CNTN5: variants seen among roughly 807,000 people sequenced by gnomAD.
CNTN5 encodes the protein contactin 5, also known as contactin-5.
Under a neutral mutation model 129.1 loss-of-function variants are expected in CNTN5, and 77 were observed. That is an observed-to-expected ratio of 0.60 (90% confidence interval 0.50 to 0.72). The LOEUF (loss-of-function observed/expected upper bound fraction) is 0.72, where lower values mean the gene tolerates loss of function less well. Ranked by LOEUF, CNTN5 falls within the 30% of genes least tolerant of loss-of-function variation. The pLI is 0.00. For synonymous variants in CNTN5, 509 were observed against 465.6 expected, an observed-to-expected ratio of 1.09 and a Z score of -1.20; for missense variants, 1,478 against 1,328.8, an observed-to-expected ratio of 1.11 and a Z score of -1.75.
chr11:99,360,766 G>T (rs539123558), intron 2 of CNTN5, among the ~76,000 whole-genome samples: 1 of 152,244 alleles, frequency 6.6e-6, no homozygotes, highest in South Asian at 2.1e-4. Flanking sequence ...TTATCAAAAG[G>T]TTGCTTGGCC....
chr11:99,082,330 G>T (rs867335234), intron 1 of CNTN5, among the ~76,000 whole-genome samples: 1 of 151,944 alleles, frequency 6.6e-6, no homozygotes, highest in African/African-American at 2.4e-5. Flanking sequence ...GACTACAGGC[G>T]CATGCCACCA....
intron 1 of CNTN5, among the ~76,000 whole-genome samples, chr11:99,145,961 G>A (rs1859764213): frequency 1.3e-5 from 2 of 151,940 alleles, no homozygotes; most frequent in Admixed American, 6.6e-5. Context: ...TTTAGTGGTG[G>A]TAGATTTAGG....
chr11:100,293,999 C>T (rs1397406445), intron 18 of CNTN5, among the ~76,000 whole-genome samples: 1 of 151,586 alleles, frequency 6.6e-6, no homozygotes, highest in Non-Finnish European at 1.5e-5. Flanking sequence ...TTCCTCTTGA[C>T]TTCTACCTTT....
intron 3 of CNTN5, among the ~76,000 whole-genome samples, chr11:99,776,400 A>G (rs1237147145): frequency 6.6e-6 from 1 of 152,006 alleles, no homozygotes; most frequent in African/African-American, 2.4e-5. Context: ...ATTTATAGAA[A>G]AAATTTCTCT....
intron 3 of CNTN5, among the ~76,000 whole-genome samples, chr11:99,758,399 A>G (rs959849942): frequency 6.6e-6 from 1 of 152,090 alleles, no homozygotes; most frequent in South Asian, 2.1e-4. Flanking sequence ...AACGTATAAC[A>G]TATAAAGCAT....
In CNTN5 at chr11:99,315,648, A is replaced by C. The variant is rs988213441; in HGVS notation, c.-209-9698A>C. ...AAGAATGCATAGGAAAAAATAGATA[A>C]TATTAAAAAGGTAAAAATTATGGGA... On this transcript the variant is annotated intron_variant, in intron 1 of 24. Transcript: ENST00000524871. 4.7e-5 allele frequency among the ~76,000 whole-genome samples: 7 copies of C among 149,556 alleles called. 1 individual carries two copies. The highest frequency in any genetic ancestry group is 9.0e-5 in the Non-Finnish European group (6 of 66,774).
rs920884355 is a variant in CNTN5 at position 99,954,518 on chromosome 11, T to C, written c.674-2288T>C. On this transcript the variant is annotated intron_variant, in intron 7 of 24. Transcript: ENST00000524871. The stretch of plus-strand genomic sequence containing the variant: ...GTGCAGTTTGTATGGAAGAAAGTGG[T>C]GTATGAAGCTAAAGGCTGTGGCACC... 2.0e-5 allele frequency among the ~76,000 whole-genome samples: 3 copies of C among 152,202 alleles called. No individual in the cohort carries two copies. The East Asian group carries it at 5.8e-4, about 29-fold the overall frequency.
At chr11:99,221,074 G>A (rs1860375485) in intron 1 of CNTN5, among the ~76,000 whole-genome samples, 1 of 151,800 alleles carries the variant, frequency 6.6e-6, no homozygotes, top group Non-Finnish European at 1.5e-5. Flanking sequence ...GCTATTGCAG[G>A]ATTCAGAATT....
chr11:99,691,741 G>A (rs780784200), intron 3 of CNTN5, among the ~76,000 whole-genome samples: 1 of 152,024 alleles, frequency 6.6e-6, no homozygotes, highest in Non-Finnish European at 1.5e-5. Flanking sequence ...TGGGTGCAGA[G>A]TTTGTAGATA....
chr11:99,586,372 C>T (rs1294283513), intron 3 of CNTN5, among the ~76,000 whole-genome samples: 1 of 152,058 alleles, frequency 6.6e-6, no homozygotes, highest in Non-Finnish European at 1.5e-5. Context: ...CTAAAGGACC[C>T]TCTCTGAGCA....
intron 1 of CNTN5, among the ~76,000 whole-genome samples, chr11:99,294,987 G>A (rs1565469684): frequency 6.6e-6 from 1 of 151,974 alleles, no homozygotes; most frequent in Non-Finnish European, 1.5e-5. Context: ...TGGGTTTCCA[G>A]TCTCAGAATG....
At chr11:99,158,628 T>TGAA (rs1860450623) in intron 1 of CNTN5, among the ~76,000 whole-genome samples, 1 of 152,138 alleles carries the variant, frequency 6.6e-6, no homozygotes, top group African/African-American at 2.4e-5. Flanking sequence ...TAAGAAAACA[T>TGAA]TGTTCTAATG....
At chr11:99,154,582 G>A (rs949140064) in intron 1 of CNTN5, among the ~76,000 whole-genome samples, 2 of 152,176 alleles carry the variant, frequency 1.3e-5, no homozygotes, top group Non-Finnish European at 2.9e-5. Context: ...ATGACCAAGT[G>A]CCTACCAACA....
chr11:100,038,117 T>G (rs1467085552), intron 9 of CNTN5, among the ~76,000 whole-genome samples: 1 of 152,204 alleles, frequency 6.6e-6, no homozygotes, highest in Non-Finnish European at 1.5e-5. Context: ...TGCTATAAAT[T>G]TCCCTCTACA....
At chr11:99,146,104 C>G (rs1859771225) in intron 1 of CNTN5, among the ~76,000 whole-genome samples, 1 of 152,060 alleles carries the variant, frequency 6.6e-6, no homozygotes, top group South Asian at 2.1e-4. Flanking sequence ...CTGCTCTTAT[C>G]AACCAAGCTA....
chr11:99,432,541 G>A (rs370267735), intron 2 of CNTN5, among the ~76,000 whole-genome samples: 3 of 128,238 alleles, frequency 2.3e-5, no homozygotes, highest in Middle Eastern at 4.4e-3. Flanking sequence ...TTTTAGGGGC[G>A]AATGGGGTAG....
chr11:100,299,889 T>A (rs1951181123), intron 20 of CNTN5, among the ~76,000 whole-genome samples: 1 of 151,494 alleles, frequency 6.6e-6, no homozygotes. Context: ...CATCATTAAA[T>A]CCTATGGAAA....
At chr11:99,127,756 C>A (rs1858716752) in intron 1 of CNTN5, among the ~76,000 whole-genome samples, 1 of 152,146 alleles carries the variant, frequency 6.6e-6, no homozygotes. Flanking sequence ...CATTATATGC[C>A]ATTCCCCTTA....
intron 2 of CNTN5, among the ~76,000 whole-genome samples, chr11:99,464,891 T>C (rs1187114758): frequency 6.6e-6 from 1 of 152,212 alleles, no homozygotes; most frequent in East Asian, 1.9e-4. Context: ...AACTTGTGGG[T>C]AACAACTGTA....
Sources: gnomAD v4.1 joint callset for allele counts (sites outside exome capture counted in the v4.1 genomes callset) on GRCh38, gnomAD v4.1.1 for gene constraint, MANE v1.5 for transcripts, NCBI Gene and HGNC (gene_info 2026-07-23, HGNC 2026-07-21) for gene names.